PCDHGA1: variants seen among roughly 807,000 people sequenced by gnomAD.
PCDHGA1 encodes protocadherin gamma-A1.
PCDHGA1 carries 32 observed loss-of-function variants against 58.0 expected under a neutral mutation model. That is an observed-to-expected ratio of 0.55 (90% CI 0.42 to 0.74). The LOEUF (loss-of-function observed/expected upper bound fraction) is 0.74, where lower values mean the gene tolerates loss of function less well. Among genes scored for constraint, PCDHGA1 ranks in the 30% least tolerant of loss-of-function variants. The probability of loss-of-function intolerance (pLI) is 0.00; values close to 1 mark genes in which losing one functional copy is unlikely to be tolerated. For missense variants in PCDHGA1, 1,205 were observed against 1,182.3 expected, an observed-to-expected ratio of 1.02 and a Z score of -0.28; for synonymous variants, 498 against 501.1, an observed-to-expected ratio of 0.99 and a Z score of 0.08.
chr5:141,436,555 G>A (rs562422182), intron 1 of PCDHGA1, among the ~76,000 whole-genome samples: 1 of 152,252 alleles, frequency 6.6e-6, no homozygotes, highest in South Asian at 2.1e-4. Flanking sequence ...TTGAGCTTCA[G>A]CAAAGTAGGA....
chr5:141,509,144 G>A (rs969990007), intron 3 of PCDHGA1, among the ~76,000 whole-genome samples: 1 of 152,114 alleles, frequency 6.6e-6, no homozygotes, highest in African/African-American at 2.4e-5. Context: ...GGCGCATCCC[G>A]GCTCTCCCCT....
At chr5:141,505,532 G>A in intron 3 of PCDHGA1, 51 bp downstream of exon 3, 2 of 1,611,270 alleles carry the variant, frequency 1.2e-6, no homozygotes, top group Non-Finnish European at 1.7e-6. Context: ...GGGGTTCTGG[G>A]GTGCATCTCA....
chr5:141,383,405 G>C (rs189408749), intron 1 of PCDHGA1: 11 of 1,613,898 alleles, frequency 6.8e-6, no homozygotes, highest in Non-Finnish European at 8.5e-6. Context: ...TCCCTCCAGA[G>C]TTACCAGCTC....
chr5:141,388,886 A>G (rs542218864), intron 1 of PCDHGA1: 1 of 1,613,988 alleles, frequency 6.2e-7, no homozygotes, highest in Non-Finnish European at 8.5e-7. Flanking sequence ...TGGAGGTAGA[A>G]GTCATAGATG....
At chr5:141,478,256 A>G in intron 1 of PCDHGA1, 6 of 1,614,126 alleles carry the variant, frequency 3.7e-6, no homozygotes, top group Non-Finnish European at 5.1e-6. Flanking sequence ...CGGAGTAATC[A>G]TATTCAAAGT....
chr5:141,406,258 G>A (rs895877034), intron 1 of PCDHGA1, among the ~76,000 whole-genome samples: 2 of 151,882 alleles, frequency 1.3e-5, no homozygotes, highest in African/African-American at 4.8e-5. Context: ...GGTCTCAAAC[G>A]ATCTTCCTGC....
At position 141,489,985 on chromosome 5, in the gene PCDHGA1, G is replaced by C. The variant is rs761481986; in HGVS notation, c.2422-4822G>C. ...AACCTTCCAATCCTCAGTTCTACGT[G>C]TGGGAATCCCAGAGAATGCACCCAT... On this transcript the variant is annotated intron_variant, in intron 1 of 3. Coordinates refer to ENST00000517417, the MANE Select transcript of PCDHGA1 (RefSeq NM_018912.3). This position sits in a 1 kb window ranked among gnomAD's most constrained non-coding sequence, Gnocchi z 4.5. 3 of 1,614,212 alleles carry C rather than the reference G, an allele frequency of 1.9e-6. No individual in the cohort carries two copies. The East Asian group carries it at 6.7e-5, about 36-fold the overall frequency.
At position 141,493,444 on chromosome 5, in the gene PCDHGA1, G is replaced by T. The variant is rs2099748313; in HGVS notation, c.2422-1363G>T. On this transcript the variant is annotated intron_variant, in intron 1 of 3. Transcript: ENST00000517417. This position sits in a 1 kb window ranked among gnomAD's most constrained non-coding sequence, Gnocchi z 4.3. ...GCTTCTGCTGGGATGGGGCAAGGGT[G>T]GGGTTCCTTCCCTTTTAGGACCTTA... Among the ~76,000 whole-genome samples, 1 of 152,174 alleles carries T rather than the reference G, an allele frequency of 6.6e-6. No homozygotes were observed. Among genetic ancestry groups the T allele is most frequent in the South Asian group, 2.1e-4 (1 of 4,826 alleles).
intron 1 of PCDHGA1, chr5:141,441,809 C>A: frequency 2.7e-6 from 1 of 373,176 alleles, no homozygotes; most frequent in East Asian, 9.0e-5. Context: ...GGGTGCTGTA[C>A]CCCAGCTCTG....
In PCDHGA1 at chr5:141,489,201, G is replaced by A. The variant is rs757039294; in HGVS notation, c.2422-5606G>A. ...AGCCCTGGGTCTACCTTGGAGACAG[G>A]ACAGCACAGACTTACTCTCCACAAA... On this transcript the variant is annotated intron_variant, in intron 1 of 3. Coordinates refer to ENST00000517417, the MANE Select transcript of PCDHGA1 (RefSeq NM_018912.3). This position sits in a 1 kb window ranked among gnomAD's most constrained non-coding sequence, Gnocchi z 4.5. The A allele has an allele frequency of 7.8e-6, 11 of 1,416,092 alleles. No individual in the cohort carries two copies. In the African/African-American group the frequency reaches 1.3e-4, roughly 17 times the overall value. 87.7% of individuals were successfully genotyped at this position (1,416,092 alleles called of 1,614,324 possible).
intron 1 of PCDHGA1, chr5:141,429,276 T>C (rs748800169): frequency 6.6e-5 from 10 of 152,228 alleles, no homozygotes; most frequent in Non-Finnish European, 1.2e-4. Flanking sequence ...TTTTTTCCTG[T>C]GATGTTTCTT....
chr5:141,418,273 A>G (rs1440274831), intron 1 of PCDHGA1: 2 of 1,614,082 alleles, frequency 1.2e-6, no homozygotes, highest in Non-Finnish European at 8.5e-7. Flanking sequence ...AAGATGAAAT[A>G]AACTTAGAAA....
chr5:141,372,041 C>A (rs779511565), intron 1 of PCDHGA1: 1 of 1,613,374 alleles, frequency 6.2e-7, no homozygotes, highest in Non-Finnish European at 8.5e-7. Flanking sequence ...TGAGCCTGCG[C>A]GTGTTGGTGG....
chr5:141,481,934 AAT>A (rs1245984926), intron 1 of PCDHGA1, among the ~76,000 whole-genome samples: 5 of 147,494 alleles, frequency 3.4e-5, no homozygotes, highest in Admixed American at 3.4e-4. Flanking sequence ...AAAAAAAAAA[AAT>A]CAGCCAGATG....
chr5:141,393,315 C>A, intron 1 of PCDHGA1: 1 of 1,613,104 alleles, frequency 6.2e-7, no homozygotes. Flanking sequence ...GAACTCCCTC[C>A]AGAGCTACCA....
chr5:141,417,783 C>T, intron 1 of PCDHGA1: 1 of 1,474,286 alleles, frequency 6.8e-7, no homozygotes, highest in Non-Finnish European at 9.0e-7. Flanking sequence ...TGTCCTGGGC[C>T]GAATGCTCTT....
intron 1 of PCDHGA1, among the ~76,000 whole-genome samples, chr5:141,444,152 ATTTTTTTTTTTTTTTTTT>A (rs747671382): frequency 4.1e-4 from 14 of 33,898 alleles, no homozygotes; most frequent in South Asian, 2.1e-3. Flanking sequence ...TGTGTACTGG[ATTTTTTTTTTTTTTTTTT>A]TTTTTTTTTT....
At chr5:141,418,987 A>T (rs1244429131) in intron 1 of PCDHGA1, 2 of 1,613,856 alleles carry the variant, frequency 1.2e-6, no homozygotes, top group Non-Finnish European at 1.7e-6. Flanking sequence ...ACCAAGACTC[A>T]GGGGAAAATG....
chr5:141,341,746 A>G (rs1310255578), intron 1 of PCDHGA1: 1 of 432,240 alleles, frequency 2.3e-6, no homozygotes, highest in Non-Finnish European at 4.1e-6. Context: ...TTAAAAATAT[A>G]AAGATTGGAG....
Sources: gnomAD v4.1 joint callset for allele counts (sites outside exome capture counted in the v4.1 genomes callset) on GRCh38, gnomAD v4.1.1 for gene constraint, Gnocchi (gnomAD v3.1) non-coding constraint, MANE v1.5 for transcripts, NCBI Gene and HGNC (gene_info 2026-07-23, HGNC 2026-07-21) for gene names.